Variants in WDR33 observed in about 807,000 individuals in gnomAD.
WDR33 encodes the protein WD repeat domain 33.
Under a neutral mutation model 164.9 loss-of-function variants are expected in WDR33, and 47 were observed. That is an observed-to-expected ratio of 0.29 (90% CI 0.23 to 0.36). WDR33 has a LOEUF of 0.36. Among genes scored for constraint, WDR33 ranks in the 10% least tolerant of loss-of-function variants. The pLI is 1.00. For synonymous variants in WDR33, 505 were observed against 589.0 expected, an observed-to-expected ratio of 0.86 and a Z score of 2.06; for missense variants, 1,137 against 1,754.1, an observed-to-expected ratio of 0.65 and a Z score of 6.28.
At position 127,716,357 on chromosome 2, in the gene WDR33, A is replaced by G. The variant is rs1686300029; in HGVS notation, c.2869+798T>C. 6.6e-6 allele frequency among the ~76,000 whole-genome samples: 1 copy of G among 152,230 alleles called. No individual in the cohort carries two copies. The highest frequency in any genetic ancestry group is 1.5e-5 in the Non-Finnish European group (1 of 68,046). On this transcript the variant is annotated intron_variant, in intron 17 of 21. Coordinates refer to ENST00000322313, the MANE Select transcript of WDR33 (RefSeq NM_018383.5). The surrounding 1 kb of genome is among the most constrained non-coding windows in gnomAD (Gnocchi z 4.5). Reference sequence around the variant, plus strand: ...AAACTAAGAGAGTAAAGTTCTGTGAAGGGCAATCTCTGCGGTCCTCCTGAT... The same window carrying G: ...AAACTAAGAGAGTAAAGTTCTGTGAGGGGCAATCTCTGCGGTCCTCCTGAT...
Position 127,769,047 on chromosome 2 carries a change from T to C in WDR33, c.205-46A>G, listed in dbSNP as rs200250267. On this transcript the variant is annotated intron_variant, in intron 2 of 21. Transcript: ENST00000322313. ...TAAATAAATAAATAAATAGATCAATTAATGACTATATGGTCTGATTATACT... is the reference window on the plus strand; with the variant it reads ...TAAATAAATAAATAAATAGATCAATCAATGACTATATGGTCTGATTATACT... 4 of 847,042 alleles carry C rather than the reference T, an allele frequency of 4.7e-6. No individual in the cohort carries two copies. The African/African-American group carries it at 5.9e-5, about 13-fold the overall frequency. 52.5% of individuals were successfully genotyped at this position (847,042 alleles called of 1,614,324 possible).
At position 127,713,630 on chromosome 2, in the gene WDR33, G is replaced by A. The variant is rs769898099; in HGVS notation, c.3261C>T (p.Phe1087=). Reference sequence around the variant, plus strand: ...AACGTGGGTCCTCGGGATCCCGGGGGAAACGTTCATCTCCGGGCCTGCGGC... The same window carrying A: ...AACGTGGGTCCTCGGGATCCCGGGGAAAACGTTCATCTCCGGGCCTGCGGC... ...WEGRRPGDER[F]PRDPEDPRFR... is the part of the protein sequence containing the mutation. The change falls in exon 18 of 22, where the codon TTC becomes TTT. Residue 1087 remains phenylalanine, a synonymous_variant. Transcript: ENST00000322313. This position sits in a 1 kb window ranked among gnomAD's most constrained non-coding sequence, Gnocchi z 6.2. The A allele has an allele frequency of 2.5e-6, 4 of 1,614,140 alleles. No individual in the cohort carries two copies. The African/African-American group carries it at 4.0e-5, about 16-fold the overall frequency.
In WDR33 at chr2:127,701,542, A is replaced by G; in HGVS notation, c.*4781T>C. 3 of 1,342,226 alleles carry G rather than the reference A, an allele frequency of 2.2e-6. No individual in the cohort carries two copies. The highest frequency in any genetic ancestry group is 3.0e-5 in the East Asian group (1 of 33,430). The allele number at this position is 1,342,226 out of a possible 1,614,324, so 83.1% of individuals were successfully genotyped here. On this transcript the variant is annotated 3_prime_UTR_variant, in exon 22 of 22. Transcript: ENST00000322313. ...GCCTTGTCCAAGATGGCGGACCTCC[A>G]CCGCCAGCTGCAGGAGTACCTGGCG...
chr2:127,789,573 G>A (rs7570308), intron 1 of WDR33, among the ~76,000 whole-genome samples: 1 of 149,856 alleles, frequency 6.7e-6, no homozygotes, highest in Non-Finnish European at 1.5e-5. Context: ...TGCCTGCAAT[G>A]GCAGGCACTC....
At chr2:127,727,507 AAC>A (rs1686599480) in intron 7 of WDR33, among the ~76,000 whole-genome samples, 1 of 152,092 alleles carries the variant, frequency 6.6e-6, no homozygotes, top group African/African-American at 2.4e-5. Context: ...AGGGTTAAAT[AAC>A]ACATCCTAGA....
intron 1 of WDR33, among the ~76,000 whole-genome samples, chr2:127,771,538 C>T (rs1254954854): frequency 6.6e-6 from 1 of 152,106 alleles, no homozygotes; most frequent in Non-Finnish European, 1.5e-5. Context: ...AAAAAGACTA[C>T]GGTCAAGGCG....
At chr2:127,754,583 A>ATTT (rs764744041) in intron 7 of WDR33, among the ~76,000 whole-genome samples, 6 of 118,984 alleles carry the variant, frequency 5.0e-5, no homozygotes, top group East Asian at 2.4e-4. Flanking sequence ...CATGTTTTTC[A>ATTT]TTTTTTTTTT....
chr2:127,756,132 G>A (rs1295759845), intron 7 of WDR33, among the ~76,000 whole-genome samples: 2 of 151,980 alleles, frequency 1.3e-5, no homozygotes, highest in African/African-American at 2.4e-5. Context: ...TCAGGAGTTC[G>A]AGACCAGCCT....
chr2:127,750,677 A>AAAT (rs1558936792), intron 7 of WDR33, among the ~76,000 whole-genome samples: 11 of 35,798 alleles, frequency 3.1e-4, no homozygotes, highest in Non-Finnish European at 3.1e-4. Flanking sequence ...AAAAAAAAAA[A>AAAT]ATATATATAT....
chr2:127,766,931 G>A (rs1002129606), intron 4 of WDR33, among the ~76,000 whole-genome samples: 1 of 152,088 alleles, frequency 6.6e-6, no homozygotes, highest in Non-Finnish European at 1.5e-5. Context: ...GCTAATTTTT[G>A]TATTTTTAGT....
intron 1 of WDR33, among the ~76,000 whole-genome samples, chr2:127,792,787 A>AT (rs1425159621): frequency 6.6e-6 from 1 of 152,246 alleles, no homozygotes. Context: ...AATTAGGTAA[A>AT]TGATCAAGCT....
intron 1 of WDR33, among the ~76,000 whole-genome samples, chr2:127,783,989 GA>G (rs34983818): frequency 0.71 from 105,798 of 149,332 alleles, 38,144 homozygotes; most frequent in African/African-American, 0.85. Context: ...TATTAGAAAT[GA>G]AAAAAAAAAA....
intron 1 of WDR33, among the ~76,000 whole-genome samples, chr2:127,784,007 A>T (rs1405191747): frequency 6.6e-6 from 1 of 152,168 alleles, no homozygotes; most frequent in African/African-American, 2.4e-5. Context: ...AAAAGTTTTT[A>T]AAATATTAAT....
rs1686363149 is a variant in WDR33, at chr2:127,719,087, C to A, written c.2760+178G>T. Among the ~76,000 whole-genome samples the A allele has an allele frequency of 6.6e-6, 1 of 152,200 alleles. No individual in the cohort carries two copies. The highest frequency in any genetic ancestry group is 1.5e-5 in the Non-Finnish European group (1 of 68,040). ...TGAGATGTACTTAATGGGAGTATAA[C>A]CTAACTCATCATTCTTATGATTTCA... On this transcript the variant is annotated intron_variant, in intron 16 of 21. Transcript: ENST00000322313. The surrounding 1 kb of genome is among the most constrained non-coding windows in gnomAD (Gnocchi z 6.5).
At chr2:127,725,938 A>C (rs1032389088) in intron 8 of WDR33, among the ~76,000 whole-genome samples, 1 of 152,160 alleles carries the variant, frequency 6.6e-6, no homozygotes, top group African/African-American at 2.4e-5. Context: ...GGAAAGTCTG[A>C]AAGTTAATTT....
chr2:127,795,891 G>A (rs752644864), intron 1 of WDR33, among the ~76,000 whole-genome samples: 3 of 151,634 alleles, frequency 2.0e-5, no homozygotes, highest in Non-Finnish European at 2.9e-5. Flanking sequence ...GGAGAAAATG[G>A]GGAGGGGAGA....
intron 1 of WDR33, among the ~76,000 whole-genome samples, chr2:127,810,444 G>A (rs73955220): frequency 0.026 from 3,946 of 152,240 alleles, 180 homozygotes; most frequent in African/African-American, 0.089. Flanking sequence ...TCACTACTTA[G>A]TTGCCAGAAG....
At chr2:127,802,495 T>C (rs1275929230) in intron 1 of WDR33, among the ~76,000 whole-genome samples, 1 of 152,130 alleles carries the variant, frequency 6.6e-6, no homozygotes, top group African/African-American at 2.4e-5. Flanking sequence ...TTGGCCAGGC[T>C]GGTCTCAAAC....
At position 127,724,998 on chromosome 2, in the gene WDR33, T is replaced by G. The variant is rs1686530259; in HGVS notation, c.1007-33A>C. 2 of 1,614,016 alleles carry G rather than the reference T, an allele frequency of 1.2e-6. No individual in the cohort carries two copies. Among genetic ancestry groups the G allele is most frequent in the African/African-American group, 1.3e-5 (1 of 74,908 alleles). ...ACAAAAACATGGGAAAAGACACAAT[T>G]ATCAGGATCTGAGAATGTTACAGGT... On this transcript the variant is annotated intron_variant, in intron 9 of 21. Transcript: ENST00000322313. The surrounding 1 kb of genome is among the most constrained non-coding windows in gnomAD (Gnocchi z 4.8).
Sources: allele counts gnomAD v4.1 joint callset (sites outside exome capture counted in the v4.1 genomes callset), GRCh38; gene constraint gnomAD v4.1.1; non-coding constraint Gnocchi (gnomAD v3.1); transcripts MANE v1.5; gene names NCBI Gene and HGNC (gene_info 2026-07-23, HGNC 2026-07-21).